UTP18: variants seen among roughly 807,000 people sequenced by gnomAD.
The protein encoded by UTP18 is U3 small nucleolar RNA-associated protein 18 homolog.
UTP18 carries 36 observed loss-of-function variants against 61.1 expected under a neutral mutation model. The observed-to-expected ratio is 0.59, with a 90% CI of 0.45 to 0.78. The LOEUF is 0.78. Ranked by LOEUF, UTP18 falls within the 30% of genes least tolerant of loss-of-function variation. The probability of loss-of-function intolerance (pLI) is 0.00; values close to 1 mark genes in which losing one functional copy is unlikely to be tolerated. For missense variants in UTP18, 753 were observed against 693.9 expected (o/e 1.09, Z -0.96); for synonymous variants, 282 against 251.1 (o/e 1.12, Z -1.16).
At chr17:51,261,227 C>T (rs1315312422) in intron 1 of UTP18, among the ~76,000 whole-genome samples, 1 of 152,240 alleles carries the variant, frequency 6.6e-6, no homozygotes, top group Non-Finnish European at 1.5e-5. Flanking sequence ...ACTCCGCTAG[C>T]CTCTTCCCAA....
At chr17:51,294,530 C>CT (rs1207052153) in intron 12 of UTP18, among the ~76,000 whole-genome samples, 1 of 151,996 alleles carries the variant, frequency 6.6e-6, no homozygotes, top group African/African-American at 2.4e-5. Context: ...GACATGGACT[C>CT]TTTATTTTTT....
rs569862271 is a variant in UTP18 at position 51,268,272 on chromosome 17, C to T, written c.555-565C>T. On this transcript the variant is annotated intron_variant, in intron 3 of 13. Transcript: ENST00000225298. ...CAATCTCCTGACCTCGTGATCCGCC[C>T]GCCTTGGCCTCCCAAAGTGCTGGGA... 2.6e-5 allele frequency among the ~76,000 whole-genome samples: 4 copies of T among 152,282 alleles called. 1 individual carries two copies. The highest frequency in any genetic ancestry group is 7.2e-5 in the African/African-American group (3 of 41,564).
At chr17:51,279,499 G>GT (rs954925382) in intron 7 of UTP18, among the ~76,000 whole-genome samples, 7 of 146,414 alleles carry the variant, frequency 4.8e-5, no homozygotes, top group African/African-American at 1.3e-4. Flanking sequence ...GGTTTTTTTT[G>GT]TTTTTTGTTT....
chr17:51,265,531 G>GGGATT (rs2055551774), intron 2 of UTP18, among the ~76,000 whole-genome samples: 1 of 150,120 alleles, frequency 6.7e-6, no homozygotes, highest in African/African-American at 2.5e-5. Flanking sequence ...CCAAAGTGCT[G>GGGATT]GGATTGCAGG....
intron 4 of UTP18, among the ~76,000 whole-genome samples, chr17:51,272,829 T>C (rs1328016442): frequency 2.6e-5 from 4 of 152,220 alleles, no homozygotes; most frequent in African/African-American, 9.6e-5. Context: ...GTGTTTTAAG[T>C]TTGCTCAGCT....
chr17:51,276,008 ACT>A lies in UTP18; in HGVS notation c.837+18_837+19del. 1 of 1,585,878 alleles carries A rather than the reference ACT, an allele frequency of 6.3e-7. No homozygotes were observed. Among genetic ancestry groups the A allele is most frequent in the Non-Finnish European group, 8.5e-7 (1 of 1,171,164 alleles). ...CTATTTCAGGTATGCATCTTTATTT[ACT>A]TATTTATTTCTAATGCATTATTTTT... On this transcript the variant is annotated intron_variant, in intron 6 of 13. Transcript: ENST00000225298.
At position 51,266,289 on chromosome 17, in the gene UTP18, C is replaced by A; in HGVS notation, c.554+9C>A. 2 of 1,571,508 alleles carry A rather than the reference C, an allele frequency of 1.3e-6. No individual in the cohort carries two copies. The highest frequency in any genetic ancestry group is 8.6e-7 in the Non-Finnish European group (1 of 1,161,892). On this transcript the variant is annotated intron_variant, in intron 3 of 13. Transcript: ENST00000225298. ...AAGAGACTTAAAGAAGAGTAAGTGT[C>A]TTTTTTCATATGATTTACCAAGAGG...
Position 51,291,228 on chromosome 17 carries a change from A to C in UTP18, c.1504-2675A>C, listed in dbSNP as rs149430580. Reference sequence around the variant, plus strand: ...TCTTTATAGGCATTTTTCCTAATTAATAGTTCAATTATACCTTTTAAAATG... The same window carrying C: ...TCTTTATAGGCATTTTTCCTAATTACTAGTTCAATTATACCTTTTAAAATG... On this transcript the variant is annotated intron_variant, in intron 11 of 13. Transcript: ENST00000225298. Among the ~76,000 whole-genome samples the C allele has an allele frequency of 5.9e-3, 894 of 152,074 alleles. 6 individuals are homozygous for C. Among genetic ancestry groups the C allele is most frequent in the Admixed American group, 7.1e-3 (108 of 15,278 alleles).
At chr17:51,261,566 G>A (rs1297459619) in intron 1 of UTP18, among the ~76,000 whole-genome samples, 1 of 152,172 alleles carries the variant, frequency 6.6e-6, no homozygotes, top group Non-Finnish European at 1.5e-5. Context: ...AGGCACTGGA[G>A]GAGACACAGC....
At chr17:51,268,127 A>T (rs1440259356) in intron 3 of UTP18, among the ~76,000 whole-genome samples, 1 of 148,962 alleles carries the variant, frequency 6.7e-6, no homozygotes, top group Admixed American at 6.8e-5. Flanking sequence ...CTCCTGCCTT[A>T]GCCTCCTGAG....
intron 2 of UTP18, 46 bp from the exon 3 acceptor site, chr17:51,266,136 T>G (rs1239592350): frequency 1.4e-6 from 2 of 1,427,294 alleles, no homozygotes; most frequent in African/African-American, 1.5e-5. Context: ...GCTATTTATA[T>G]TAACTCTTTA....
intron 9 of UTP18, among the ~76,000 whole-genome samples, chr17:51,282,064 T>C (rs1394045594): frequency 6.6e-6 from 1 of 152,226 alleles, no homozygotes; most frequent in African/African-American, 2.4e-5. Context: ...TAACTCTTAC[T>C]GTCTATCCCA....
At chr17:51,266,329 GC>G in intron 3 of UTP18, 49 bp downstream of exon 3, 1 of 1,339,942 alleles carries the variant, frequency 7.5e-7, no homozygotes, top group Non-Finnish European at 1.0e-6. Context: ...TGTAACCAAT[GC>G]CCAGTCATTA....
At chr17:51,266,032 A>G (rs2144394954) in intron 2 of UTP18, 150 bp from the exon 3 acceptor site, 1 of 503,236 alleles carries the variant, frequency 2.0e-6, no homozygotes, top group East Asian at 3.8e-5. Context: ...TCTTTTAGGA[A>G]GAACAGAGAA....
chr17:51,279,524 CAAAGTT>C (rs1393577378), intron 7 of UTP18, among the ~76,000 whole-genome samples: 2 of 150,960 alleles, frequency 1.3e-5, no homozygotes, highest in Non-Finnish European at 2.9e-5. Context: ...TTTTGACTCA[CAAAGTT>C]AAAGATGAGA....
intron 12 of UTP18, among the ~76,000 whole-genome samples, chr17:51,295,445 A>AATTTTTAAGGAAGT (rs1905342952): frequency 6.6e-6 from 1 of 152,170 alleles, no homozygotes; most frequent in African/African-American, 2.4e-5. Flanking sequence ...AGCACCATTT[A>AATTTTTAAGGAAGT]TTAAATAGGC....
intron 6 of UTP18, 99 bp downstream of exon 6, chr17:51,276,090 C>A: frequency 1.6e-6 from 2 of 1,228,082 alleles, no homozygotes; most frequent in Non-Finnish European, 2.2e-6. Context: ...AAAAGATATT[C>A]ATAGCTAAAA....
chr17:51,267,811 C>A (rs1904348973), intron 3 of UTP18, among the ~76,000 whole-genome samples: 2 of 152,076 alleles, frequency 1.3e-5, no homozygotes, highest in East Asian at 3.9e-4. Context: ...TTGCTTATAT[C>A]CCTTCTCTGA....
intron 4 of UTP18, among the ~76,000 whole-genome samples, chr17:51,269,328 C>CAAAAAAAAAAA (rs1403113098): frequency 1.0e-5 from 1 of 100,424 alleles, no homozygotes; most frequent in African/African-American, 3.7e-5. Context: ...AAAAAAAAAC[C>CAAAAAAAAAAA]AAAAAAATCT....
Sources: allele counts gnomAD v4.1 joint callset (sites outside exome capture counted in the v4.1 genomes callset), GRCh38; gene constraint gnomAD v4.1.1; transcripts MANE v1.5; gene names NCBI Gene and HGNC (gene_info 2026-07-23, HGNC 2026-07-21).